EYS: variants seen among roughly 807,000 people sequenced by gnomAD.
The protein encoded by EYS is protein eyes shut homolog.
Under a neutral mutation model 282.1 loss-of-function variants are expected in EYS, and 250 were observed. The observed-to-expected ratio is 0.89, with a 90% CI of 0.80 to 0.98. EYS has a LOEUF of 0.98. Among genes scored for constraint, EYS ranks in the 50% least tolerant of loss-of-function variants. The pLI is 0.00. For missense variants in EYS, 4,016 were observed against 3,709.0 expected, an observed-to-expected ratio of 1.08 and a Z score of -2.15; for synonymous variants, 1,355 against 1,282.9, an observed-to-expected ratio of 1.06 and a Z score of -1.20.
chr6:64,340,155 C>T (rs1771044740), intron 29 of EYS, among the ~76,000 whole-genome samples: 1 of 150,816 alleles, frequency 6.6e-6, no homozygotes, highest in Non-Finnish European at 1.5e-5. Context: ...GAGCCCTATC[C>T]TCTGAAAGTT....
At chr6:64,750,531 AAAGAT>A (rs1374944736) in intron 22 of EYS, among the ~76,000 whole-genome samples, 11 of 152,164 alleles carry the variant, frequency 7.2e-5, no homozygotes, top group African/African-American at 2.2e-4. Context: ...AAAAAAAAGA[AAAGAT>A]AAGAGCTAAG....
intron 22 of EYS, among the ~76,000 whole-genome samples, chr6:64,703,427 A>ATTTTTTTTTTTT (rs1488123469): frequency 1.4e-3 from 39 of 28,412 alleles, no homozygotes; most frequent in Non-Finnish European, 1.7e-3. Flanking sequence ...ATATATATAT[A>ATTTTTTTTTTTT]TATTTTTTTT....
chr6:65,277,560 T>A (rs1309762202), intron 12 of EYS, among the ~76,000 whole-genome samples: 2 of 152,092 alleles, frequency 1.3e-5, no homozygotes, highest in Non-Finnish European at 2.9e-5. Flanking sequence ...AACTCAATCA[T>A]GCTGGCACCC....
chr6:65,409,200 C>T (rs570268227), intron 5 of EYS, among the ~76,000 whole-genome samples: 1 of 152,252 alleles, frequency 6.6e-6, no homozygotes, highest in South Asian at 2.1e-4. Flanking sequence ...AAAGCAAGTG[C>T]CTCTTTAAAC....
Position 64,591,596 on chromosome 6 carries a change from G to T in EYS, c.4271C>A (p.Thr1424Lys), listed in dbSNP as rs762521982. The change falls in exon 26 of 43, where the codon ACG (threonine) becomes AAG (lysine). Residue 1424 changes from threonine to lysine, a missense_variant. Thr to Lys is a moderately conservative substitution (Grantham distance 78, BLOSUM62 -1). Coordinates refer to ENST00000503581, the MANE Select transcript of EYS (RefSeq NM_001142800.2). ...CQTVALSATP[T>K]TSVIRSIPGA... is the part of the protein sequence containing the mutation. ...TGGAATGCTTCTAATTACTGAAGTC[G>T]TTGGGGTAGCAGATAAAGCAACAGT... 3 of 1,551,072 alleles carry T rather than the reference G, an allele frequency of 1.9e-6. No homozygotes were observed. Among genetic ancestry groups the T allele is most frequent in the Non-Finnish European group, 2.6e-6 (3 of 1,146,720 alleles).
chr6:64,786,715 C>T (rs937878674), intron 22 of EYS, among the ~76,000 whole-genome samples: 5 of 152,192 alleles, frequency 3.3e-5, no homozygotes, highest in African/African-American at 4.8e-5. Flanking sequence ...GTAAATCTTA[C>T]ACCCTTCTTT....
At chr6:65,300,818 G>A (rs1374716421) in intron 11 of EYS, 1 of 152,156 alleles carries the variant, frequency 6.6e-6, no homozygotes, top group Non-Finnish European at 1.5e-5. Context: ...CACATTTTTA[G>A]AGCAGAATAG....
chr6:63,935,333 C>A (rs755981013), intron 35 of EYS, among the ~76,000 whole-genome samples: 1 of 152,198 alleles, frequency 6.6e-6, no homozygotes, highest in Non-Finnish European at 1.5e-5. Context: ...TGCTTTCTGG[C>A]CACATGCCCT....
chr6:64,914,277 G>A lies in EYS; in HGVS notation c.2382-1534C>T, dbSNP rs116861450. On this transcript the variant is annotated intron_variant, in intron 15 of 42. Transcript: ENST00000503581. ...GTAGGTGTGTTCAAGGAGAGAACTT[G>A]TGTCAATTTGTGGGCAAGGTAGATT... Among the ~76,000 whole-genome samples the A allele has an allele frequency of 3.4e-3, 519 of 152,218 alleles. 10 individuals are homozygous for A. The highest frequency in any genetic ancestry group is 0.021 in the East Asian group (107 of 5,178).
intron 31 of EYS, among the ~76,000 whole-genome samples, chr6:64,158,748 T>A (rs914787442): frequency 3.3e-5 from 5 of 152,202 alleles, no homozygotes; most frequent in African/African-American, 1.2e-4. Context: ...CCTATCAAAC[T>A]GCAATAATTA....
chr6:64,710,303 C>A (rs1000845665), intron 22 of EYS, among the ~76,000 whole-genome samples: 2 of 152,146 alleles, frequency 1.3e-5, no homozygotes, highest in African/African-American at 4.8e-5. Context: ...TCATAGTAAC[C>A]CTGTATCCAC....
intron 35 of EYS, among the ~76,000 whole-genome samples, chr6:63,899,098 TTGAC>T (rs1773602493): frequency 6.6e-6 from 1 of 152,242 alleles, no homozygotes; most frequent in East Asian, 1.9e-4. Flanking sequence ...ATTACGTTTA[TTGAC>T]TGACACTGGT....
chr6:64,028,939 G>A (rs1045115682), intron 33 of EYS, among the ~76,000 whole-genome samples: 3 of 152,154 alleles, frequency 2.0e-5, no homozygotes, highest in African/African-American at 2.4e-5. Context: ...AGCAAGGAAC[G>A]AATACAGCCT....
chr6:64,243,634 G>A (rs1018587939), intron 30 of EYS, among the ~76,000 whole-genome samples: 5 of 152,226 alleles, frequency 3.3e-5, no homozygotes, highest in African/African-American at 9.6e-5. Context: ...CAGGACAGTA[G>A]TGTCCTTGTG....
At chr6:65,643,003 G>A (rs1216362617) in intron 1 of EYS, among the ~76,000 whole-genome samples, 1 of 152,188 alleles carries the variant, frequency 6.6e-6, no homozygotes. Flanking sequence ...ACTACCACAG[G>A]AAAATACCAG....
At chr6:63,947,828 T>C (rs1163727329) in intron 35 of EYS, among the ~76,000 whole-genome samples, 1 of 152,202 alleles carries the variant, frequency 6.6e-6, no homozygotes, top group Non-Finnish European at 1.5e-5. Context: ...GATTAAATGG[T>C]TCTTTTCTAT....
chr6:64,203,525 T>C (rs1340447550), intron 31 of EYS, among the ~76,000 whole-genome samples: 1 of 152,176 alleles, frequency 6.6e-6, no homozygotes, highest in African/African-American at 2.4e-5. Flanking sequence ...CTAGACTAAT[T>C]GGAAGGCAAT....
At chr6:64,266,708 G>A (rs1008932247) in intron 30 of EYS, among the ~76,000 whole-genome samples, 9 of 152,118 alleles carry the variant, frequency 5.9e-5, no homozygotes, top group African/African-American at 1.7e-4. Context: ...TGAAGGCTTG[G>A]TGAAGCAAGC....
intron 22 of EYS, among the ~76,000 whole-genome samples, chr6:64,707,639 G>C (rs558296351): frequency 3.6e-4 from 52 of 143,938 alleles, no homozygotes; most frequent in Admixed American, 1.4e-4. Flanking sequence ...CACTCCAGCC[G>C]GGGCGACAGA....
Sources: gnomAD v4.1 joint callset for allele counts (sites outside exome capture counted in the v4.1 genomes callset) on GRCh38, gnomAD v4.1.1 for gene constraint, MANE v1.5 for transcripts, NCBI Gene and HGNC (gene_info 2026-07-23, HGNC 2026-07-21) for gene names.